The following CIROP variants were observed in gnomAD, a reference collection of about 807,000 sequenced individuals.
CIROP encodes leishmanolysin homolog.
the CIROP span, chr14:23,104,886 G>GGCAGCAGCA: frequency 2.2e-5 from 10 of 453,908 alleles, no homozygotes; most frequent in African/African-American, 1.1e-4. Flanking sequence ...GACTAGTGGC[G>GGCAGCAGCA]GCAGCAGCAG....
chr14:23,103,136 C>T, the CIROP span: 1 of 451,360 alleles, frequency 2.2e-6, no homozygotes, highest in African/African-American at 2.0e-5. Flanking sequence ...AAATGGAGGA[C>T]CAGGGGACTC....
the CIROP span, chr14:23,102,695 G>A: frequency 2.8e-6 from 2 of 702,932 alleles, no homozygotes; most frequent in South Asian, 1.5e-5. Flanking sequence ...AAGGCATGGA[G>A]CAATTCATGT....
the CIROP span, chr14:23,103,398 CA>C: frequency 7.8e-6 from 3 of 385,630 alleles, no homozygotes; most frequent in South Asian, 1.3e-4. Context: ...AAAAAAAATA[CA>C]AAAAATTAGC....
chr14:23,102,249 C>T, the CIROP span: 42 of 702,934 alleles, frequency 6.0e-5, no homozygotes, highest in African/African-American at 3.1e-4. Context: ...CCTCCCAGTG[C>T]GAGGACAGAA....
At chr14:23,104,619 C>A in the CIROP span, 1 of 702,302 alleles carries the variant, frequency 1.4e-6, no homozygotes, top group South Asian at 1.5e-5. Context: ...AGCCTGGATT[C>A]GCTGAGTGGC....
the CIROP span, chr14:23,099,329 C>T: frequency 2.4e-6 from 1 of 413,450 alleles, no homozygotes; most frequent in Non-Finnish European, 4.4e-6. Context: ...CTGTGGAGCT[C>T]TGGTGAATGG....
At chr14:23,103,009 CT>C in the CIROP span, 1 of 574,664 alleles carries the variant, frequency 1.7e-6, no homozygotes, top group Non-Finnish European at 3.1e-6. Flanking sequence ...GGCCTGTCTT[CT>C]GAGTCCAGCT....
chr14:23,101,430 A>T, the CIROP span: 1 of 595,348 alleles, frequency 1.7e-6, no homozygotes, highest in South Asian at 2.0e-5. Context: ...TAAGAGAAGG[A>T]TGCCTGGGCT....
the CIROP span, chr14:23,100,746 G>A: frequency 2.8e-5 from 11 of 398,536 alleles, no homozygotes; most frequent in Non-Finnish European, 4.9e-5. Context: ...TCATGAAACA[G>A]ATGCAGGCTT....
the CIROP span, chr14:23,099,637 G>A: frequency 1.6e-5 from 6 of 372,482 alleles, no homozygotes; most frequent in Non-Finnish European, 1.4e-5. Context: ...TTGGCTCACC[G>A]TAATCTCCGC....
At chr14:23,099,585 G>T in the CIROP span, 1 of 369,354 alleles carries the variant, frequency 2.7e-6, no homozygotes, top group African/African-American at 2.4e-5. Flanking sequence ...TTGGAGACAA[G>T]GTCTTGGTCT....
chr14:23,101,691 A>G, the CIROP span: 83 of 702,876 alleles, frequency 1.2e-4, no homozygotes, highest in Non-Finnish European at 2.0e-4. Flanking sequence ...GGGCTTGTAC[A>G]TGCGGCAGCC....
the CIROP span, chr14:23,101,990 C>T: frequency 7.1e-6 from 5 of 701,044 alleles, no homozygotes; most frequent in African/African-American, 7.0e-5. Flanking sequence ...ATCCTCACAG[C>T]TTCGATTATA....
At chr14:23,099,128 AC>A in the CIROP span, 1 of 409,862 alleles carries the variant, frequency 2.4e-6, no homozygotes, top group African/African-American at 2.1e-5. Context: ...GTAAAACTTC[AC>A]CCTTTTTTCA....
At chr14:23,100,804 C>T in the CIROP span, 1 of 398,838 alleles carries the variant, frequency 2.5e-6, no homozygotes, top group Non-Finnish European at 4.4e-6. Flanking sequence ...AAGTAAAGGA[C>T]TTAGGGATTC....
chr14:23,101,730 CCCTTGT>C, the CIROP span: 2 of 702,870 alleles, frequency 2.8e-6, no homozygotes, highest in Non-Finnish European at 5.2e-6. Context: ...GGAGCAGCTT[CCCTTGT>C]CCAGGTGCAG....
At chr14:23,102,176 C>G in the CIROP span, 3 of 702,908 alleles carry the variant, frequency 4.3e-6, no homozygotes, top group Non-Finnish European at 7.8e-6. Context: ...GTGATTGGGT[C>G]GAGTCGAGTG....
At chr14:23,102,129 G>A in the CIROP span, 2 of 703,010 alleles carry the variant, frequency 2.8e-6, no homozygotes, top group African/African-American at 3.5e-5. Context: ...CGCTGTGGTT[G>A]ACCTGGTACC....
chr14:23,104,328 A>G, the CIROP span: 1 of 697,946 alleles, frequency 1.4e-6, no homozygotes, highest in South Asian at 1.5e-5. Flanking sequence ...TGAGCTGAGG[A>G]CATTTCTAGG....
Sources: allele counts gnomAD v4.1 joint callset, GRCh38; gene constraint gnomAD v4.1.1; transcripts MANE v1.5; gene names NCBI Gene and HGNC (gene_info 2026-07-23, HGNC 2026-07-21).